The following DMD variants were observed in gnomAD, a reference collection of about 807,000 sequenced individuals.
DMD encodes the protein dystrophin, also known as mutant dystrophin.
DMD carries 63 observed loss-of-function variants against 330.1 expected under a neutral mutation model. The ratio of observed to expected loss-of-function variants is 0.19; its 90% CI spans 0.16 to 0.24. DMD has a LOEUF of 0.24. Ranked by LOEUF, DMD falls within the 10% of genes least tolerant of loss-of-function variation. The pLI is 1.00. For missense variants in DMD, 3,344 were observed against 2,684.1 expected (o/e 1.25, Z -5.43); for synonymous variants, 1,223 against 959.8 (o/e 1.27, Z -5.07).
chrX:31,943,961 C>T (rs926477841), intron 45 of DMD, among the ~76,000 whole-genome samples: 7 of 109,489 alleles, frequency 6.4e-5, no homozygotes, highest in Admixed American at 2.0e-4. Flanking sequence ...CTTTCATACT[C>T]GAGCAGAAAG....
chrX:32,131,018 C>G (rs1366128130), intron 44 of DMD, among the ~76,000 whole-genome samples: 1 of 111,026 alleles, frequency 9.0e-6, no homozygotes, highest in Admixed American at 9.5e-5. Flanking sequence ...AACCCCATCT[C>G]TACTAAAAAT....
chrX:32,845,751 G>C lies in DMD; in HGVS notation c.187-891C>G, dbSNP rs570035496. On this transcript the variant is annotated intron_variant, in intron 3 of 78. Transcript: ENST00000357033. Reference sequence around the variant, plus strand: ...GCTGACTGCCTGGGTTCAATTGTCAGCTCTGCTGTTTTTGTGCTGTCTGGC... The same window carrying C: ...GCTGACTGCCTGGGTTCAATTGTCACCTCTGCTGTTTTTGTGCTGTCTGGC... Among the ~76,000 whole-genome samples the C allele has an allele frequency of 2.2e-4, 25 of 112,239 alleles. 1 individual carries two copies. In the South Asian group the frequency reaches 9.2e-3, roughly 41 times the overall value.
rs1421051546 is a variant in DMD, at chrX:33,009,360, A to G, written c.93+10779T>C. On this transcript the variant is annotated intron_variant, in intron 2 of 78. Transcript: ENST00000357033. ...TACACGTGTATATACACATGTGTGT[A>G]TATGTGTATATGTGTATATACACGT... 6.9e-5 allele frequency among the ~76,000 whole-genome samples: 4 copies of G among 57,685 alleles called. 2 individuals carry two copies. Among genetic ancestry groups the G allele is most frequent in the African/African-American group, 1.5e-4 (2 of 13,225 alleles). The allele number at this position is 57,685 out of a possible 115,157, so 50.1% of individuals were successfully genotyped here.
intron 19 of DMD, among the ~76,000 whole-genome samples, chrX:32,497,097 C>T (rs1476412395): frequency 5.4e-5 from 6 of 111,827 alleles, no homozygotes. Context: ...ACCATAATCC[C>T]TACCCTCACC....
intron 44 of DMD, among the ~76,000 whole-genome samples, chrX:32,051,972 A>AAAT (rs1385045971): frequency 1.8e-5 from 2 of 112,140 alleles, no homozygotes; most frequent in African/African-American, 6.5e-5. Flanking sequence ...GGAGATCATG[A>AAAT]AATAACCTAA....
At chrX:32,747,274 T>C (rs1053618324) in intron 7 of DMD, among the ~76,000 whole-genome samples, 3 of 111,897 alleles carry the variant, frequency 2.7e-5, no homozygotes, top group African/African-American at 9.8e-5. Context: ...AAATATATTT[T>C]AAATCTTCCC....
chrX:31,554,107 A>G (rs2074658378), intron 55 of DMD, among the ~76,000 whole-genome samples: 1 of 112,535 alleles, frequency 8.9e-6, no homozygotes, highest in Non-Finnish European at 1.9e-5. Flanking sequence ...CTTTGCTGAC[A>G]TATGCACTGT....
In DMD at chrX:32,693,937, T is replaced by G. The variant is rs145059333; in HGVS notation, c.960+3933A>C. On this transcript the variant is annotated intron_variant, in intron 9 of 78. Coordinates refer to ENST00000357033, the MANE Select transcript of DMD (RefSeq NM_004006.3). ...AAAATGGGAAAGTTTTAAGAGTGAATAGGAGTGTTAGTAATTCCACTGTAG... is the reference window on the plus strand; with the variant it reads ...AAAATGGGAAAGTTTTAAGAGTGAAGAGGAGTGTTAGTAATTCCACTGTAG... 5.7e-3 allele frequency among the ~76,000 whole-genome samples: 641 copies of G among 111,864 alleles called. 4 individuals are homozygous for G. The highest frequency in any genetic ancestry group is 9.4e-3 in the Non-Finnish European group (502 of 53,158).
At chrX:32,505,115 A>G (rs2044486614) in intron 18 of DMD, among the ~76,000 whole-genome samples, 1 of 111,211 alleles carries the variant, frequency 9.0e-6, no homozygotes, top group Non-Finnish European at 1.9e-5. Flanking sequence ...GTTTGTTGAT[A>G]GTTTTTTAGA....
intron 27 of DMD, among the ~76,000 whole-genome samples, chrX:32,444,354 A>G (rs1432608022): frequency 9.2e-6 from 1 of 108,915 alleles, no homozygotes; most frequent in African/African-American, 3.4e-5. Context: ...AAAACTCAAT[A>G]GCCCAGAGAA....
intron 44 of DMD, among the ~76,000 whole-genome samples, chrX:32,180,284 AATATTACC>A (rs2096922849): frequency 9.0e-6 from 1 of 111,621 alleles, no homozygotes; most frequent in Non-Finnish European, 1.9e-5. Flanking sequence ...ATTACTCTGA[AATATTACC>A]TCCTTCTAGG....
At chrX:32,221,323 G>T (rs931900819) in intron 43 of DMD, among the ~76,000 whole-genome samples, 2 of 92,393 alleles carry the variant, frequency 2.2e-5, no homozygotes, top group Admixed American at 1.3e-4. Flanking sequence ...ACCTGAGCTC[G>T]TGTCTCATGG....
At chrX:32,360,332 C>G (rs1400331236) in intron 37 of DMD, among the ~76,000 whole-genome samples, 1 of 111,900 alleles carries the variant, frequency 8.9e-6, no homozygotes, top group Non-Finnish European at 1.9e-5. Context: ...GTCAGATATG[C>G]TTTATTTCTG....
chrX:33,219,307 T>G (rs1158797527), intron 1 of DMD, among the ~76,000 whole-genome samples: 2 of 2,141 alleles, frequency 9.3e-4, no homozygotes, highest in East Asian at 8.2e-3. Flanking sequence ...TAGAGATTAT[T>G]GTGTGTGTGT....
chrX:32,543,708 G>T (rs9306780), intron 17 of DMD, among the ~76,000 whole-genome samples: 1 of 111,312 alleles, frequency 9.0e-6, no homozygotes, highest in Admixed American at 9.5e-5. Context: ...TATTACCATC[G>T]TGAGTAGAGT....
intron 7 of DMD, among the ~76,000 whole-genome samples, chrX:32,701,636 T>C (rs1464571311): frequency 2.7e-5 from 3 of 111,559 alleles, no homozygotes; most frequent in Non-Finnish European, 5.7e-5. Flanking sequence ...TAGCATAACT[T>C]AGAGCTCTTT....
intron 49 of DMD, among the ~76,000 whole-genome samples, chrX:31,828,971 G>A (rs766060773): frequency 3.0e-4 from 34 of 111,961 alleles, no homozygotes; most frequent in African/African-American, 1.1e-3. Flanking sequence ...TGCAAGATAT[G>A]GAACCAACCC....
At chrX:32,921,865 A>T (rs952137439) in intron 2 of DMD, among the ~76,000 whole-genome samples, 2 of 111,391 alleles carry the variant, frequency 1.8e-5, no homozygotes, top group African/African-American at 6.5e-5. Context: ...TCATCCATCC[A>T]TCCGTTTATC....
At chrX:32,616,865 C>G (rs1233765971) in intron 11 of DMD, among the ~76,000 whole-genome samples, 1 of 108,550 alleles carries the variant, frequency 9.2e-6, no homozygotes, top group African/African-American at 3.3e-5. Context: ...ATATAATTAT[C>G]TCATCTGTAT....
Sources: allele counts gnomAD v4.1 joint callset (sites outside exome capture counted in the v4.1 genomes callset), GRCh38; gene constraint gnomAD v4.1.1; transcripts MANE v1.5; gene names NCBI Gene and HGNC (gene_info 2026-07-23, HGNC 2026-07-21).